The following MAP2K6 variants were observed in gnomAD, a reference collection of about 807,000 sequenced individuals.
MAP2K6 encodes dual specificity mitogen-activated protein kinase kinase 6.
MAP2K6 carries 16 observed loss-of-function variants against 53.7 expected under a neutral mutation model. The ratio of observed to expected loss-of-function variants is 0.30; its 90% CI spans 0.20 to 0.45. The LOEUF (loss-of-function observed/expected upper bound fraction) is 0.45. MAP2K6 is among the 20% of genes least tolerant of loss of function. The probability of loss-of-function intolerance (pLI) is 1.00; values close to 1 mark genes in which losing one functional copy is unlikely to be tolerated. For synonymous variants in MAP2K6, 132 were observed against 143.1 expected, an observed-to-expected ratio of 0.92 and a Z score of 0.55; for missense variants, 204 against 411.9, an observed-to-expected ratio of 0.50 and a Z score of 4.37.
At chr17:69,509,394 G>C (rs748454233) in intron 2 of MAP2K6, among the ~76,000 whole-genome samples, 32 of 152,020 alleles carry the variant, frequency 2.1e-4, no homozygotes, top group Non-Finnish European at 4.6e-4. Flanking sequence ...GTTTTCACTT[G>C]TTCATTGTCA....
chr17:69,470,913 C>T (rs1263717497), intron 1 of MAP2K6, among the ~76,000 whole-genome samples: 1 of 152,180 alleles, frequency 6.6e-6, no homozygotes, highest in African/African-American at 2.4e-5. Context: ...CCAATGCACA[C>T]TCCTTTTCCA....
chr17:69,448,431 G>C (rs530905059), intron 1 of MAP2K6, among the ~76,000 whole-genome samples: 1 of 152,118 alleles, frequency 6.6e-6, no homozygotes, highest in East Asian at 1.9e-4. Flanking sequence ...GTCCGTTAAG[G>C]TTGCTAAGGT....
At chr17:69,456,846 G>A (rs1053226871) in intron 1 of MAP2K6, among the ~76,000 whole-genome samples, 1 of 152,130 alleles carries the variant, frequency 6.6e-6, no homozygotes, top group Non-Finnish European at 1.5e-5. Context: ...CACTGCTGCT[G>A]ACTATCTTCC....
At chr17:69,501,767 T>C (rs548861453) in intron 1 of MAP2K6, 11 of 152,214 alleles carry the variant, frequency 7.2e-5, no homozygotes, top group African/African-American at 2.6e-4. Context: ...GAATTCTCTG[T>C]TTCCGAGAAG....
chr17:69,506,730 G>GT (rs1909508465), intron 2 of MAP2K6, among the ~76,000 whole-genome samples: 2 of 152,188 alleles, frequency 1.3e-5, no homozygotes, highest in African/African-American at 4.8e-5. Context: ...CATGTCTGCT[G>GT]TAAGACTTTG....
intron 1 of MAP2K6, among the ~76,000 whole-genome samples, chr17:69,488,872 A>G (rs1375399576): frequency 1.3e-5 from 2 of 152,146 alleles, no homozygotes; most frequent in East Asian, 3.8e-4. Flanking sequence ...AAATATACCC[A>G]TGTAACAAAC....
chr17:69,424,178 A>G (rs1906187813), intron 1 of MAP2K6, among the ~76,000 whole-genome samples: 1 of 152,180 alleles, frequency 6.6e-6, no homozygotes, highest in South Asian at 2.1e-4. Context: ...CTTTGTGCTC[A>G]CAGAGTCGCT....
At chr17:69,502,704 TG>T in intron 1 of MAP2K6, 1 of 985,272 alleles carries the variant, frequency 1.0e-6, no homozygotes. Flanking sequence ...GATGTTGATG[TG>T]GGGGGCTGTG....
chr17:69,464,264 A>G (rs1907724195), intron 1 of MAP2K6, among the ~76,000 whole-genome samples: 1 of 151,632 alleles, frequency 6.6e-6, no homozygotes, highest in East Asian at 2.0e-4. Flanking sequence ...TCAAATGGAG[A>G]CAGTAATAGT....
At position 69,541,780 on chromosome 17, in the gene MAP2K6, C is replaced by G. The variant is rs532505455; in HGVS notation, c.*27C>G. 14 of 1,585,258 alleles carry G rather than the reference C, an allele frequency of 8.8e-6. No individual in the cohort carries two copies. In the South Asian group the frequency reaches 1.4e-4, roughly 16 times the overall value. On this transcript the variant is annotated 3_prime_UTR_variant, in exon 12 of 12. Transcript: ENST00000590474. ...AAGCAGTGGACTTAATCGGTTGACC[C>G]TACTGTGGATTGGTGGGTTTCGGGG...
intron 1 of MAP2K6, among the ~76,000 whole-genome samples, chr17:69,470,884 C>A (rs562852891): frequency 6.6e-6 from 1 of 152,064 alleles, no homozygotes; most frequent in Non-Finnish European, 1.5e-5. Flanking sequence ...TCCCTTTTAC[C>A]GTCTCCCATC....
chr17:69,423,833 C>T (rs542650481), intron 1 of MAP2K6, among the ~76,000 whole-genome samples: 1 of 152,254 alleles, frequency 6.6e-6, no homozygotes, highest in East Asian at 1.9e-4. Flanking sequence ...ACTCTTCATC[C>T]TCCCCTTATT....
At chr17:69,470,769 C>T (rs981653171) in intron 1 of MAP2K6, among the ~76,000 whole-genome samples, 4 of 152,220 alleles carry the variant, frequency 2.6e-5, no homozygotes, top group Admixed American at 6.5e-5. Context: ...CTTGACACTA[C>T]CTCCTCACAC....
chr17:69,550,263 C>A lies in MAP2K6; in HGVS notation c.*8510C>A, dbSNP rs538622350. On this transcript the variant is annotated 3_prime_UTR_variant, in exon 12 of 12. Coordinates refer to ENST00000590474, the MANE Select transcript of MAP2K6 (RefSeq NM_002758.4). ...TGGTTGAGAAAAAGGAACGATATGC[C>A]TAAAGCATTTTGAGAATATACCCCT... 1 of 152,232 alleles carries A rather than the reference C, an allele frequency of 6.6e-6. No individual in the cohort carries two copies. The highest frequency in any genetic ancestry group is 6.5e-5 in the Admixed American group (1 of 15,284). The allele number at this position is 152,232 out of a possible 1,614,324, so 9.4% of individuals were successfully genotyped here. A position where few individuals can be genotyped will look rare whatever the true frequency, so the allele number is the denominator to read the frequency against.
At chr17:69,431,886 T>C (rs1906472847) in intron 1 of MAP2K6, among the ~76,000 whole-genome samples, 1 of 152,228 alleles carries the variant, frequency 6.6e-6, no homozygotes, top group South Asian at 2.1e-4. Flanking sequence ...TGGTCTGAGA[T>C]GACATTCTCT....
intron 7 of MAP2K6, among the ~76,000 whole-genome samples, 169 bp from the exon 8 acceptor site, chr17:69,523,345 G>A (rs1259114339): frequency 6.6e-6 from 1 of 152,186 alleles, no homozygotes; most frequent in Non-Finnish European, 1.5e-5. Context: ...CAAGTTGAAA[G>A]CAATAAGCTG....
Position 69,546,266 on chromosome 17 carries a change from A to G in MAP2K6, c.*4513A>G, listed in dbSNP as rs186199050. The G allele has an allele frequency of 3.5e-4, 54 of 152,190 alleles. No homozygotes were observed. The highest frequency in any genetic ancestry group is 1.1e-3 in the African/African-American group (45 of 41,516). 9.4% of individuals were successfully genotyped at this position (152,190 alleles called of 1,614,324 possible). ...ATTGGCTAATTCATTTTTTAACTGC[A>G]ACCCTACTCTTCTTTGCTGTTCATC... On this transcript the variant is annotated 3_prime_UTR_variant, in exon 12 of 12. Coordinates refer to ENST00000590474, the MANE Select transcript of MAP2K6 (RefSeq NM_002758.4).
rs569917031 is a variant in MAP2K6, at chr17:69,485,342, G to A, written c.17-20438G>A. ...TTTTAGGATGAGCAACTTTGGAACGGAGGAGGCCTTTAGAAGAAAGAAGGA... is the reference window on the plus strand; with the variant it reads ...TTTTAGGATGAGCAACTTTGGAACGAAGGAGGCCTTTAGAAGAAAGAAGGA... On this transcript the variant is annotated intron_variant, in intron 1 of 11. Transcript: ENST00000590474. The A allele has an allele frequency of 2.6e-4, 66 of 252,116 alleles. No individual in the cohort carries two copies. In the South Asian group the frequency reaches 8.9e-3, roughly 34 times the overall value. The allele number at this position is 252,116 out of a possible 1,614,324, so 15.6% of individuals were successfully genotyped here. A position where few individuals can be genotyped will look rare whatever the true frequency, so the allele number is the denominator to read the frequency against.
intron 2 of MAP2K6, among the ~76,000 whole-genome samples, chr17:69,513,779 A>G (rs1357139268): frequency 6.6e-6 from 1 of 152,174 alleles, no homozygotes; most frequent in Non-Finnish European, 1.5e-5. Flanking sequence ...ATGGCAAAAA[A>G]ACAGTTGCAG....
Sources: allele counts gnomAD v4.1 joint callset (sites outside exome capture counted in the v4.1 genomes callset), GRCh38; gene constraint gnomAD v4.1.1; transcripts MANE v1.5; gene names NCBI Gene and HGNC (gene_info 2026-07-23, HGNC 2026-07-21).